Variants in ANK2 observed in about 807,000 individuals in gnomAD.
The protein encoded by ANK2 is ankyrin-2.
ANK2 carries 83 observed loss-of-function variants against 360.5 expected under a neutral mutation model. The ratio of observed to expected loss-of-function variants is 0.23; its 90% CI spans 0.19 to 0.28. ANK2 has a LOEUF of 0.28. Ranked by LOEUF, ANK2 falls within the 10% of genes least tolerant of loss-of-function variation. The pLI is 1.00. For missense variants in ANK2, 4,201 were observed against 4,795.7 expected (o/e 0.88, Z 3.66); for synonymous variants, 1,740 against 1,759.5 (o/e 0.99, Z 0.28).
At chr4:113,367,183 G>A (rs1362496509) in intron 41 of ANK2, among the ~76,000 whole-genome samples, 5 of 152,118 alleles carry the variant, frequency 3.3e-5, no homozygotes, top group African/African-American at 1.2e-4. Flanking sequence ...ATTATTAACT[G>A]TACTCATCTT....
intron 4 of ANK2, among the ~76,000 whole-genome samples, chr4:113,212,750 G>A (rs1245641254): frequency 1.3e-5 from 2 of 152,124 alleles, no homozygotes; most frequent in African/African-American, 2.4e-5. Flanking sequence ...ATCCATGTTC[G>A]GCATTTAGAA....
the ANK2 span, chr4:112,738,691 T>C: frequency 3.4e-6 from 2 of 595,580 alleles, no homozygotes; most frequent in African/African-American, 1.9e-5. Flanking sequence ...CTCAGACCCG[T>C]TGTGAAGCCC....
At chr4:112,922,043 G>A (rs1393956431) in intron 2 of ANK2, among the ~76,000 whole-genome samples, 1 of 152,144 alleles carries the variant, frequency 6.6e-6, no homozygotes, top group Non-Finnish European at 1.5e-5. Flanking sequence ...AACTTCTAAA[G>A]TTCCTTTTGA....
chr4:113,256,512 G>A lies in ANK2; in HGVS notation c.1188+580G>A, dbSNP rs920244482. Among the ~76,000 whole-genome samples, 11 of 152,262 alleles carry A rather than the reference G, an allele frequency of 7.2e-5. No individual in the cohort carries two copies. In the East Asian group the frequency reaches 7.7e-4, roughly 11 times the overall value. On this transcript the variant is annotated intron_variant, in intron 11 of 45. Coordinates refer to ENST00000357077, the MANE Select transcript of ANK2 (RefSeq NM_001148.6). ...ACACCATTTCAGGAACTGCTCAAGAGAAAACTGCAAGAGGCTGTCCCTAGA... is the reference window on the plus strand; with the variant it reads ...ACACCATTTCAGGAACTGCTCAAGAAAAAACTGCAAGAGGCTGTCCCTAGA...
chr4:112,853,074 A>AT (rs111324851), intron 1 of ANK2, among the ~76,000 whole-genome samples: 3,685 of 146,302 alleles, frequency 0.025, 112 homozygotes, highest in African/African-American at 0.078. Context: ...CATCTGGCTA[A>AT]TTTTTTTTTT....
At chr4:113,313,872 A>G (rs2081424724) in intron 24 of ANK2, among the ~76,000 whole-genome samples, 1 of 152,218 alleles carries the variant, frequency 6.6e-6, no homozygotes, top group South Asian at 2.1e-4. Context: ...AAATATTTTT[A>G]TGTATTGAAC....
intron 4 of ANK2, among the ~76,000 whole-genome samples, chr4:113,215,819 A>G (rs2099079120): frequency 6.6e-6 from 1 of 151,942 alleles, no homozygotes; most frequent in Non-Finnish European, 1.5e-5. Context: ...AAACAAAAAA[A>G]CCCACTTTTT....
At chr4:112,958,157 G>C (rs1294530146) in intron 2 of ANK2, among the ~76,000 whole-genome samples, 2 of 152,096 alleles carry the variant, frequency 1.3e-5, no homozygotes, top group Non-Finnish European at 2.9e-5. Context: ...ACGATGGGCG[G>C]CCAGGCAGAG....
At chr4:113,226,275 T>C (rs1306581912) in intron 4 of ANK2, among the ~76,000 whole-genome samples, 2 of 152,204 alleles carry the variant, frequency 1.3e-5, no homozygotes, top group East Asian at 3.8e-4. Context: ...CGCAAGGCTT[T>C]CAGAATAAAA....
the ANK2 span, among the ~76,000 whole-genome samples, chr4:112,811,300 G>T: frequency 6.6e-6 from 1 of 152,002 alleles, no homozygotes; most frequent in African/African-American, 2.4e-5. Context: ...GTTTCCTTCT[G>T]GTTTCATTTA....
intron 2 of ANK2, among the ~76,000 whole-genome samples, chr4:113,192,644 CACTTG>C (rs1384067289): frequency 2.0e-5 from 3 of 152,072 alleles, no homozygotes; most frequent in Admixed American, 6.6e-5. Context: ...TGAGGCAAAT[CACTTG>C]ACTTCTGAGA....
intron 11 of ANK2, among the ~76,000 whole-genome samples, chr4:113,256,634 T>C (rs2049500447): frequency 6.6e-6 from 1 of 152,222 alleles, no homozygotes; most frequent in Admixed American, 6.5e-5. Flanking sequence ...CATGTACTAA[T>C]TTATGCCTCT....
intron 1 of ANK2, among the ~76,000 whole-genome samples, chr4:112,871,188 G>GTT (rs759506409): frequency 5.5e-5 from 8 of 144,680 alleles, no homozygotes; most frequent in South Asian, 2.2e-4. Flanking sequence ...TTAGCTTTTA[G>GTT]TTTTTTTTTT....
intron 1 of ANK2, among the ~76,000 whole-genome samples, chr4:113,147,885 G>T (rs966838451): frequency 6.6e-6 from 1 of 152,202 alleles, no homozygotes; most frequent in African/African-American, 2.4e-5. Flanking sequence ...AAACTCAGCT[G>T]TTTTTAAATT....
At chr4:113,162,413 A>G (rs1274065761) in intron 1 of ANK2, among the ~76,000 whole-genome samples, 1 of 152,118 alleles carries the variant, frequency 6.6e-6, no homozygotes, top group Non-Finnish European at 1.5e-5. Flanking sequence ...CTTTACTTTT[A>G]GAGTTTTACT....
chr4:112,875,921 CTT>C (rs553724643), intron 1 of ANK2, among the ~76,000 whole-genome samples: 45 of 134,312 alleles, frequency 3.4e-4, no homozygotes, highest in Non-Finnish European at 3.1e-4. Context: ...TTTCTTTTTT[CTT>C]TTTTTTTTTT....
intron 4 of ANK2, among the ~76,000 whole-genome samples, chr4:113,209,551 A>G (rs2098996659): frequency 1.3e-5 from 2 of 152,000 alleles, no homozygotes; most frequent in Admixed American, 6.5e-5. Context: ...ATCCACACCA[A>G]GGTTTTCAGC....
chr4:113,275,515 A>C (rs2059909908), intron 15 of ANK2, among the ~76,000 whole-genome samples: 1 of 152,178 alleles, frequency 6.6e-6, no homozygotes, highest in Non-Finnish European at 1.5e-5. Flanking sequence ...AGGGAGAGGG[A>C]AAGTTGCAAA....
chr4:112,818,050 A>T (rs2055840170), upstream of ANK2: 1 of 152,236 alleles, frequency 6.6e-6, no homozygotes, highest in African/African-American at 2.4e-5. Flanking sequence ...CTGATGTCAG[A>T]GCAGATCATG....
Sources: gnomAD v4.1 joint callset for allele counts (sites outside exome capture counted in the v4.1 genomes callset) on GRCh38, gnomAD v4.1.1 for gene constraint, MANE v1.5 for transcripts, NCBI Gene and HGNC (gene_info 2026-07-23, HGNC 2026-07-21) for gene names.